The following SMARCA2 variants were observed in gnomAD, a reference collection of about 807,000 sequenced individuals.
SMARCA2 encodes SWI/SNF-related matrix-associated actin-dependent regulator of chromatin subfamily A member 2.
In SMARCA2, 61 loss-of-function variants were observed where a neutral mutation model predicts 199.8. The ratio of observed to expected loss-of-function variants is 0.31; its 90% confidence interval spans 0.25 to 0.38. SMARCA2 has a LOEUF of 0.38. Among genes scored for constraint, SMARCA2 ranks in the 10% least tolerant of loss-of-function variants. The probability of loss-of-function intolerance (pLI) is 1.00; values close to 1 mark genes in which losing one functional copy is unlikely to be tolerated. For missense variants in SMARCA2, 1,344 were observed against 2,012.2 expected, an observed-to-expected ratio of 0.67 and a Z score of 6.35; for synonymous variants, 935 against 732.0, an observed-to-expected ratio of 1.28 and a Z score of -4.48.
chr9:2,170,553 C>T lies in SMARCA2; in HGVS notation c.4253+81C>T. The T allele has an allele frequency of 6.2e-7, 1 of 1,605,982 alleles. No individual in the cohort carries two copies. The highest frequency in any genetic ancestry group is 8.5e-7 in the Non-Finnish European group (1 of 1,175,030). ...GAAACAGATTGAATCATATAATCGG[C>T]CTTTGGAAGCAAATTTCTTCGGTCA... is the stretch of plus-strand genomic sequence containing the variant. On this transcript the variant is annotated intron_variant, in intron 29 of 33. Coordinates refer to ENST00000349721, the MANE Select transcript of SMARCA2 (RefSeq NM_003070.5). The surrounding 1 kb of genome is among the most constrained non-coding windows in gnomAD (Gnocchi z 4.7).
chr9:2,140,102 C>G (rs1824392660), intron 27 of SMARCA2, among the ~76,000 whole-genome samples: 1 of 152,182 alleles, frequency 6.6e-6, no homozygotes, highest in South Asian at 2.1e-4. Flanking sequence ...TAGTTGGGGA[C>G]TTCAGCAGTT....
At chr9:2,175,353 G>T (rs577216882) in intron 29 of SMARCA2, among the ~76,000 whole-genome samples, 1 of 140,912 alleles carries the variant, frequency 7.1e-6, no homozygotes, top group Non-Finnish European at 1.5e-5. Context: ...TGGATCTTAC[G>T]TCCTGTTTCA....
intron 24 of SMARCA2, among the ~76,000 whole-genome samples, chr9:2,112,078 G>A (rs1823030874): frequency 6.6e-6 from 1 of 152,194 alleles, no homozygotes; most frequent in African/African-American, 2.4e-5. Context: ...ATATTGATGT[G>A]AGAGATCTGC....
chr9:2,146,467 G>C (rs757112246), intron 27 of SMARCA2, among the ~76,000 whole-genome samples: 6 of 152,128 alleles, frequency 3.9e-5, no homozygotes, highest in Non-Finnish European at 8.8e-5. Context: ...CTTTGGATCG[G>C]GGGTTTCCTA....
chr9:2,102,145 G>A (rs900387823), intron 22 of SMARCA2, among the ~76,000 whole-genome samples: 2 of 151,696 alleles, frequency 1.3e-5, no homozygotes, highest in Non-Finnish European at 1.5e-5. Flanking sequence ...GTGTGTGTGT[G>A]TGTGTGTGTG....
chr9:2,108,046 C>T (rs991527051), intron 23 of SMARCA2, among the ~76,000 whole-genome samples: 2 of 152,308 alleles, frequency 1.3e-5, no homozygotes, highest in South Asian at 2.1e-4. Flanking sequence ...TCGTTCTACA[C>T]AGGCATAGCC....
At chr9:2,142,307 G>C (rs1377461516) in intron 27 of SMARCA2, among the ~76,000 whole-genome samples, 1 of 152,218 alleles carries the variant, frequency 6.6e-6, no homozygotes, top group African/African-American at 2.4e-5. Flanking sequence ...AAGGAAGTTG[G>C]CTTAATAGAA....
At chr9:2,082,306 GGTGTGTGTGTGTGTGTGTGTGTGTGT>G (rs3057852) in intron 15 of SMARCA2, among the ~76,000 whole-genome samples, 1 of 121,790 alleles carries the variant, frequency 8.2e-6, no homozygotes, top group African/African-American at 3.3e-5. Context: ...AAAGGGGAAA[GGTGTGTGTGTGTGTGTGTGTGTGTGT>G]GTGTGTGTGT....
At chr9:2,036,902 G>T (rs10964512) in intron 3 of SMARCA2, among the ~76,000 whole-genome samples, 1 of 152,134 alleles carries the variant, frequency 6.6e-6, no homozygotes, top group Non-Finnish European at 1.5e-5. Flanking sequence ...GTTGAATTTA[G>T]ACTAGGTTGC....
chr9:2,039,319 C>G lies in SMARCA2; in HGVS notation c.356-147C>G, dbSNP rs549515957. ...AAAGCACATATTGATATGTAAAGATCTTAAACTCCATATAATTAATAAATG... is the reference window on the plus strand; with the variant it reads ...AAAGCACATATTGATATGTAAAGATGTTAAACTCCATATAATTAATAAATG... On this transcript the variant is annotated intron_variant, in intron 3 of 33. Coordinates refer to ENST00000349721, the MANE Select transcript of SMARCA2 (RefSeq NM_003070.5). The surrounding 1 kb of genome is among the most constrained non-coding windows in gnomAD (Gnocchi z 4.8). The G allele has an allele frequency of 1.4e-6, 1 of 724,290 alleles. No individual in the cohort carries two copies. The highest frequency in any genetic ancestry group is 1.8e-5 in the African/African-American group (1 of 55,976). 44.9% of individuals were successfully genotyped at this position (724,290 alleles called of 1,614,324 possible). A position where few individuals can be genotyped will look rare whatever the true frequency, so the allele number is the denominator to read the frequency against.
rs552442318 is a variant in SMARCA2, at chr9:2,136,511, TA to T, written c.3981+12577del. Among the ~76,000 whole-genome samples, 4 of 152,314 alleles carry T rather than the reference TA, an allele frequency of 2.6e-5. No homozygotes were observed. The South Asian group carries it at 8.3e-4, about 32-fold the overall frequency. On this transcript the variant is annotated intron_variant, in intron 27 of 33. Transcript: ENST00000349721. ...CTATTCCCTGCTTTCTCATCTTACA[TA>T]AATGTACTGTGAGTACATTTATGGA...
intron 32 of SMARCA2, among the ~76,000 whole-genome samples, chr9:2,188,407 C>T (rs978682979): frequency 3.9e-5 from 6 of 152,088 alleles, no homozygotes; most frequent in African/African-American, 1.2e-4. Flanking sequence ...TTCCCAACGT[C>T]ATTTTCTATT....
chr9:2,123,572 A>T lies in SMARCA2; in HGVS notation c.3763-147A>T. The T allele has an allele frequency of 2.9e-6, 2 of 701,436 alleles. No individual in the cohort carries two copies. The highest frequency in any genetic ancestry group is 5.1e-6 in the Non-Finnish European group (2 of 391,838). The allele number at this position is 701,436 out of a possible 1,614,324, so 43.5% of individuals were successfully genotyped here. On this transcript the variant is annotated intron_variant, in intron 26 of 33. Transcript: ENST00000349721. This position sits in a 1 kb window ranked among gnomAD's most constrained non-coding sequence, Gnocchi z 4.1. The stretch of plus-strand genomic sequence containing the variant: ...GGAATCTCTCCCTAGATATTTAGGG[A>T]TGAGCTAGAACAAGCCAACCAGGAT...
chr9:2,117,712 C>T (rs1048277994), intron 25 of SMARCA2, among the ~76,000 whole-genome samples: 1 of 152,212 alleles, frequency 6.6e-6, no homozygotes, highest in Non-Finnish European at 1.5e-5. Flanking sequence ...CTGATCTCCC[C>T]TGGGCCCGAG....
At chr9:2,140,085 T>TG (rs1489307243) in intron 27 of SMARCA2, among the ~76,000 whole-genome samples, 1 of 152,178 alleles carries the variant, frequency 6.6e-6, no homozygotes, top group East Asian at 1.9e-4. Flanking sequence ...CTACTTTCCT[T>TG]GCAAATTAGT....
chr9:2,110,588 C>G lies in SMARCA2; in HGVS notation c.3456+171C>G, dbSNP rs940170278. Among the ~76,000 whole-genome samples the G allele has an allele frequency of 6.6e-6, 1 of 152,216 alleles. No homozygotes were observed. Among genetic ancestry groups the G allele is most frequent in the Admixed American group, 6.5e-5 (1 of 15,282 alleles). ...TCTTATCTCCCTTAGAGCATAGATA[C>G]GAGGTCCCACATATGCCTTTGAAGA... On this transcript the variant is annotated intron_variant, in intron 24 of 33. Transcript: ENST00000349721. This position sits in a 1 kb window ranked among gnomAD's most constrained non-coding sequence, Gnocchi z 4.8.
At chr9:2,174,331 C>G (rs1563826953) in intron 29 of SMARCA2, among the ~76,000 whole-genome samples, 1 of 152,272 alleles carries the variant, frequency 6.6e-6, no homozygotes, top group East Asian at 1.9e-4. Context: ...AGGGATTGCT[C>G]TGAGAGATCG....
chr9:2,136,296 T>C (rs117832634), intron 27 of SMARCA2, among the ~76,000 whole-genome samples: 3,947 of 151,718 alleles, frequency 0.026, 93 homozygotes, highest in Non-Finnish European at 0.035. Flanking sequence ...CAAACAGTTC[T>C]TGTGCCTCAG....
Position 2,161,770 on chromosome 9 carries a change from C to G in SMARCA2, c.4066C>G (p.Pro1356Ala), listed in dbSNP as rs753162708. 1.2e-6 allele frequency: 2 copies of G among 1,613,786 alleles called. No homozygotes were observed. The change falls in exon 28 of 34, where the codon CCT becomes GCT. Residue 1356 changes from proline (P) to alanine (A), a missense_variant. By Grantham distance (27) the Pro-to-Ala change is conservative (BLOSUM62 -1). This residue lies in a region of SMARCA2 where 151 missense variants were observed against 154.0 expected (regional missense o/e 0.98). Transcript: ENST00000349721. The surrounding 1 kb of genome is among the most constrained non-coding windows in gnomAD (Gnocchi z 4.7). ...AAGACGAAGAAATGTGGATAAAGAT[C>G]CTGCAAAAGAAGATGTGGAAAAAGC... ...RKRRRNVDKD[P>A]AKEDVEKAKK...
Sources: allele counts gnomAD v4.1 joint callset (sites outside exome capture counted in the v4.1 genomes callset), GRCh38; gene constraint gnomAD v4.1.1; regional missense constraint gnomAD v4.1.1; non-coding constraint Gnocchi (gnomAD v3.1); transcripts MANE v1.5; gene names NCBI Gene and HGNC (gene_info 2026-07-23, HGNC 2026-07-21).